Variants in HADHA observed in about 807,000 individuals in gnomAD.
HADHA encodes trifunctional enzyme subunit alpha, mitochondrial.
Under a neutral mutation model 91.3 loss-of-function variants are expected in HADHA, and 59 were observed. The ratio of observed to expected loss-of-function variants is 0.65; its 90% confidence interval spans 0.52 to 0.80. The LOEUF is 0.80. HADHA is among the 30% of genes least tolerant of loss of function. HADHA has a pLI of 0.00. For synonymous variants in HADHA, 320 were observed against 338.9 expected (o/e 0.94, Z 0.61); for missense variants, 800 against 927.6 (o/e 0.86, Z 1.79).
chr2:26,234,475 A>G (rs1670699822), intron 4 of HADHA, 120 bp from the exon 5 acceptor site: 4 of 870,808 alleles, frequency 4.6e-6, no homozygotes, highest in Middle Eastern at 6.2e-4. Context: ...CAAATCTTCA[A>G]ATAGAAGGTT....
intron 14 of HADHA, among the ~76,000 whole-genome samples, chr2:26,195,981 T>C (rs1380982999): frequency 6.6e-6 from 1 of 152,256 alleles, no homozygotes; most frequent in Non-Finnish European, 1.5e-5. Context: ...AGAAGTCTAA[T>C]TCATTAATTT....
intron 3 of HADHA, among the ~76,000 whole-genome samples, chr2:26,237,777 T>C (rs1670796639): frequency 6.6e-6 from 1 of 152,244 alleles, no homozygotes; most frequent in Non-Finnish European, 1.5e-5. Flanking sequence ...TTCTTTATAA[T>C]TTTTTATAGT....
In HADHA at chr2:26,236,998, G is replaced by T; in HGVS notation, c.181-10C>A. 6.3e-7 allele frequency: 1 copy of T among 1,598,002 alleles called. No individual in the cohort carries two copies. The highest frequency in any genetic ancestry group is 8.6e-7 in the Non-Finnish European group (1 of 1,165,418). On this transcript the variant is annotated splice_polypyrimidine_tract_variant and intron_variant, in intron 3 of 19. Coordinates refer to ENST00000380649, the MANE Select transcript of HADHA (RefSeq NM_000182.5). ...TACTCAGTGTATTTACCTGCCAAAG[G>T]GAAATATATACAGGTAAGGGTTTAA...
At chr2:26,238,907 A>G in intron 3 of HADHA, 27 bp downstream of exon 3, 1 of 1,486,166 alleles carries the variant, frequency 6.7e-7, no homozygotes, top group South Asian at 1.1e-5. Flanking sequence ...CGGTTAGCAG[A>G]AAAAAACTGC....
chr2:26,196,601 C>G (rs6730310), intron 14 of HADHA, among the ~76,000 whole-genome samples: 125,311 of 151,534 alleles, frequency 0.83, 52,263 homozygotes, highest in African/African-American at 0.95. Context: ...GTATCCCTTG[C>G]TCCCGGGCAA....
chr2:26,203,943 A>G, intron 12 of HADHA, 119 bp downstream of exon 12: 1 of 1,008,858 alleles, frequency 9.9e-7, no homozygotes, highest in South Asian at 1.3e-5. Context: ...TGTTCAGGAA[A>G]AAGGAATCCG....
chr2:26,223,381 AC>A lies in HADHA; in HGVS notation c.676+6810del, dbSNP rs200568944. Among the ~76,000 whole-genome samples the A allele has an allele frequency of 7.4e-3, 1,120 of 152,324 alleles. 17 individuals carry two copies. Among genetic ancestry groups the A allele is most frequent in the African/African-American group, 0.024 (1,017 of 41,548 alleles). On this transcript the variant is annotated intron_variant, in intron 7 of 19. Transcript: ENST00000380649. ...ACCTCTAATTAGTCAGTAGAAGATC[AC>A]AACCCAGTTCACATGGGACTGCTAG...
At chr2:26,195,329 G>A in intron 14 of HADHA, 97 bp from the exon 15 acceptor site, 1 of 1,057,176 alleles carries the variant, frequency 9.5e-7, no homozygotes, top group Non-Finnish European at 1.5e-6. Context: ...AAGAAAGGTG[G>A]CTGTGATATA....
chr2:26,201,765 TTA>T (rs750289725), intron 12 of HADHA, among the ~76,000 whole-genome samples: 8 of 152,152 alleles, frequency 5.3e-5, no homozygotes, highest in Non-Finnish European at 8.8e-5. Context: ...ATATATAATT[TTA>T]TGTTATTCTG....
chr2:26,224,065 G>A (rs1042439793), intron 7 of HADHA, among the ~76,000 whole-genome samples: 2 of 152,098 alleles, frequency 1.3e-5, no homozygotes, highest in African/African-American at 4.8e-5. Flanking sequence ...AAATCTTAAA[G>A]ACACTTCTCC....
chr2:26,204,910 C>T (rs190653798), intron 11 of HADHA, among the ~76,000 whole-genome samples: 3 of 152,278 alleles, frequency 2.0e-5, no homozygotes, highest in Admixed American at 6.5e-5. Context: ...AAATCTGTGC[C>T]TTTATCACTC....
chr2:26,216,218 G>A lies in HADHA; in HGVS notation c.677-1043C>T, dbSNP rs146292657. On this transcript the variant is annotated intron_variant, in intron 7 of 19. Transcript: ENST00000380649. ...GGAGGAGGTGGCTGGGGTCAAAATG[G>A]CAATCTTGTGCAGTACTGTGGTACT... Among the ~76,000 whole-genome samples, 9 of 152,210 alleles carry A rather than the reference G, an allele frequency of 5.9e-5. No individual in the cohort carries two copies. In the East Asian group the frequency reaches 1.7e-3, roughly 29 times the overall value.
rs1669532360 is a variant in HADHA at position 26,192,348 on chromosome 2, A to G, written c.1962T>C (p.Ser654=). The change falls in exon 18 of 20, where the codon AGT becomes AGC. Residue 654 remains serine (S), a synonymous_variant. Coordinates refer to ENST00000380649, the MANE Select transcript of HADHA (RefSeq NM_000182.5). ...GAGGCAGCTTCAGACTCGCTAAAATACTATCCATGTCAGAATTCAAATCCT... is the reference window on the plus strand; with the variant it reads ...GAGGCAGCTTCAGACTCGCTAAAATGCTATCCATGTCAGAATTCAAATCCT... ...KRKDLNSDMD[S]ILASLKLPPK... 1.2e-6 allele frequency: 2 copies of G among 1,608,304 alleles called. No homozygotes were observed. The highest frequency in any genetic ancestry group is 1.7e-6 in the Non-Finnish European group (2 of 1,174,648).
chr2:26,244,047 G>A (rs553610195), intron 1 of HADHA, among the ~76,000 whole-genome samples: 1 of 152,386 alleles, frequency 6.6e-6, no homozygotes, highest in Non-Finnish European at 1.5e-5. Flanking sequence ...ATGGTTTTGA[G>A]GGAACGGAGC....
chr2:26,202,445 A>G (rs979360990), intron 12 of HADHA, among the ~76,000 whole-genome samples: 2 of 152,236 alleles, frequency 1.3e-5, no homozygotes, highest in Non-Finnish European at 2.9e-5. Flanking sequence ...GGAGTATTCA[A>G]AGAAGGTCTT....
intron 1 of HADHA, among the ~76,000 whole-genome samples, chr2:26,241,718 T>C (rs1670896563): frequency 6.6e-6 from 1 of 151,930 alleles, no homozygotes; most frequent in African/African-American, 2.4e-5. Flanking sequence ...TCTAAATTCA[T>C]CTCCTGTGAA....
rs777924644 is a variant in HADHA, at chr2:26,214,590, A to C, written c.800-29T>G. The C allele has an allele frequency of 4.1e-5, 47 of 1,135,844 alleles. No homozygotes were observed. The East Asian group carries it at 1.1e-3, about 26-fold the overall frequency. 70.4% of individuals were successfully genotyped at this position (1,135,844 alleles called of 1,614,324 possible). On this transcript the variant is annotated intron_variant, in intron 8 of 19. Coordinates refer to ENST00000380649, the MANE Select transcript of HADHA (RefSeq NM_000182.5). The surrounding 1 kb of genome is among the most constrained non-coding windows in gnomAD (Gnocchi z 4.1). The stretch of plus-strand genomic sequence containing the variant: ...TAAAATAAAATGCTTTTAGATATTT[A>C]CTATAAAGAGCCTAGATTCCCTTGT...
At chr2:26,211,540 G>A (rs1014960350) in intron 10 of HADHA, among the ~76,000 whole-genome samples, 2 of 152,096 alleles carry the variant, frequency 1.3e-5, no homozygotes, top group Non-Finnish European at 2.9e-5. Context: ...TGTGTATAAG[G>A]TGTATATGAA....
At chr2:26,215,270 A>C in intron 7 of HADHA, 95 bp from the exon 8 acceptor site, 1 of 1,101,948 alleles carries the variant, frequency 9.1e-7, no homozygotes, top group Non-Finnish European at 1.4e-6. Context: ...AGGCCCTAGC[A>C]CAGCGTTCCA....
Sources: allele counts gnomAD v4.1 joint callset (sites outside exome capture counted in the v4.1 genomes callset), GRCh38; gene constraint gnomAD v4.1.1; non-coding constraint Gnocchi (gnomAD v3.1); transcripts MANE v1.5; gene names NCBI Gene and HGNC (gene_info 2026-07-23, HGNC 2026-07-21).